CSMD1: variants seen among roughly 807,000 people sequenced by gnomAD.
The protein encoded by CSMD1 is CUB and Sushi multiple domains 1.
In CSMD1, 213 loss-of-function variants were observed where a neutral mutation model predicts 417.5. The ratio of observed to expected loss-of-function variants is 0.51; its 90% CI spans 0.46 to 0.57. CSMD1 has a LOEUF of 0.57. CSMD1 is among the 20% of genes least tolerant of loss of function. The pLI is 0.00. For synonymous variants in CSMD1, 2,862 were observed against 1,736.8 expected, an observed-to-expected ratio of 1.65 and a Z score of -16.11; for missense variants, 6,923 against 4,529.7, an observed-to-expected ratio of 1.53 and a Z score of -15.17.
intron 7 of CSMD1, among the ~76,000 whole-genome samples, chr8:3,707,316 C>G (rs1339307767): frequency 7.1e-6 from 1 of 141,796 alleles, no homozygotes; most frequent in African/African-American, 2.6e-5. Context: ...AGAATTGACC[C>G]GAGAGGGTTC....
Position 3,134,401 on chromosome 8 carries a change from G to A in CSMD1, c.6241+8064C>T, listed in dbSNP as rs2897453. On this transcript the variant is annotated intron_variant, in intron 41 of 69. Transcript: ENST00000635120. The stretch of plus-strand genomic sequence containing the variant: ...CCTGCATCCAACCACGAAGGCATGC[G>A]CTGCAAGTCCTTGTGGAGAACGTTT... Among the ~76,000 whole-genome samples the A allele has an allele frequency of 1.8e-3, 270 of 152,238 alleles. 1 individual carries two copies. Among genetic ancestry groups the A allele is most frequent in the African/African-American group, 6.1e-3 (254 of 41,548 alleles).
At chr8:3,516,772 T>C (rs1225628166) in intron 10 of CSMD1, among the ~76,000 whole-genome samples, 3 of 152,138 alleles carry the variant, frequency 2.0e-5, no homozygotes, top group African/African-American at 7.2e-5. Context: ...TTATCTGTAG[T>C]TACATAACTA....
At chr8:4,446,212 A>G (rs1798779459) in intron 2 of CSMD1, among the ~76,000 whole-genome samples, 1 of 152,160 alleles carries the variant, frequency 6.6e-6, no homozygotes, top group South Asian at 2.1e-4. Flanking sequence ...TTTTTCCACA[A>G]TCATCTATTT....
intron 5 of CSMD1, among the ~76,000 whole-genome samples, chr8:3,924,424 G>A (rs536599444): frequency 1.1e-4 from 17 of 152,148 alleles, no homozygotes; most frequent in African/African-American, 4.1e-4. Context: ...TCCAGATTTG[G>A]AAAGCTTTTG....
At chr8:4,957,493 G>C (rs193234878) in intron 1 of CSMD1, among the ~76,000 whole-genome samples, 20 of 152,250 alleles carry the variant, frequency 1.3e-4, no homozygotes, top group Admixed American at 6.5e-4. Context: ...ACATATCAGA[G>C]TAGAAATAAC....
At chr8:4,637,592 A>T (rs1160363941) in intron 1 of CSMD1, 34 bp from the exon 2 acceptor site, 2 of 1,349,240 alleles carry the variant, frequency 1.5e-6, no homozygotes, top group African/African-American at 1.5e-5. Context: ...AAAGCATATT[A>T]TTCTGGCCAT....
chr8:4,582,118 C>T (rs1423920148), intron 2 of CSMD1, among the ~76,000 whole-genome samples: 1 of 151,614 alleles, frequency 6.6e-6, no homozygotes. Flanking sequence ...AACTGATGAG[C>T]TTTGTGAGTA....
chr8:3,048,831 CAT>C (rs1290963989), intron 50 of CSMD1, among the ~76,000 whole-genome samples: 1 of 148,726 alleles, frequency 6.7e-6, no homozygotes, highest in Non-Finnish European at 1.5e-5. Flanking sequence ...TTGCAAAAGA[CAT>C]ATGGGATAAA....
chr8:4,096,500 G>A (rs549500926), intron 3 of CSMD1, among the ~76,000 whole-genome samples: 1 of 152,238 alleles, frequency 6.6e-6, no homozygotes, highest in Non-Finnish European at 1.5e-5. Flanking sequence ...CAAATTATGA[G>A]ACAGCCAATG....
rs745825421 is a variant in CSMD1, at chr8:3,399,477, T to C, written c.2319A>G (p.Gly773=). 1.2e-6 allele frequency: 2 copies of C among 1,609,230 alleles called. No homozygotes were observed. Among genetic ancestry groups the C allele is most frequent in the East Asian group, 2.2e-5 (1 of 44,804 alleles). The change falls in exon 16 of 70, where the codon GGA becomes GGG. Residue 773 remains glycine, a synonymous_variant. Transcript: ENST00000635120. ...AAGAATCCTTATAATATCCTGGCCA[T>C]CCAGGAGGCAAAATGACTCCGCTGG... The part of the protein sequence containing the change: ...TASSGVILPP[G]WPGYYKDSLH...
Position 2,954,218 on chromosome 8 carries a change from AC to A in CSMD1, c.10039+5del. ...TTGAAATCTAGAACTGTTCTGGTATACAAACCTGGAGTTTTAGTAACTGTTT... is the reference window on the plus strand; with the variant it reads ...TTGAAATCTAGAACTGTTCTGGTATAAAACCTGGAGTTTTAGTAACTGTTT... On this transcript the variant is annotated splice_donor_5th_base_variant and intron_variant, in intron 65 of 69. Coordinates refer to ENST00000635120, the MANE Select transcript of CSMD1 (RefSeq NM_033225.6). 6.7e-7 allele frequency: 1 copy of A among 1,487,820 alleles called. No individual in the cohort carries two copies. The highest frequency in any genetic ancestry group is 1.4e-5 in the African/African-American group (1 of 71,618). 92.2% of individuals were successfully genotyped at this position (1,487,820 alleles called of 1,614,324 possible).
intron 1 of CSMD1, among the ~76,000 whole-genome samples, chr8:4,909,222 A>T (rs1163660462): frequency 6.6e-6 from 1 of 152,142 alleles, no homozygotes; most frequent in African/African-American, 2.4e-5. Context: ...GTAGTGAGGG[A>T]TGGTAGAGTG....
chr8:3,962,933 G>C (rs1812426533), intron 5 of CSMD1, among the ~76,000 whole-genome samples: 1 of 152,082 alleles, frequency 6.6e-6, no homozygotes, highest in Non-Finnish European at 1.5e-5. Context: ...TTTTCACTCA[G>C]TTTTTGTTTC....
chr8:4,241,181 G>A (rs893516410), intron 3 of CSMD1, among the ~76,000 whole-genome samples: 10 of 151,996 alleles, frequency 6.6e-5, no homozygotes, highest in Non-Finnish European at 7.4e-5. Context: ...AATCCTGATC[G>A]TGAACTCTCC....
At chr8:3,413,151 T>A (rs781718531) in intron 12 of CSMD1, among the ~76,000 whole-genome samples, 4 of 152,230 alleles carry the variant, frequency 2.6e-5, no homozygotes, top group Non-Finnish European at 4.4e-5. Flanking sequence ...TATATTGCAC[T>A]GGAAATACAA....
intron 1 of CSMD1, among the ~76,000 whole-genome samples, chr8:4,854,627 T>C (rs576642775): frequency 5.9e-5 from 9 of 152,252 alleles, no homozygotes; most frequent in Non-Finnish European, 1.2e-4. Flanking sequence ...GGGAGTTCCC[T>C]TTCTGAGTCA....
chr8:3,372,306 C>G (rs180882088), intron 18 of CSMD1, among the ~76,000 whole-genome samples: 1 of 152,120 alleles, frequency 6.6e-6, no homozygotes, highest in East Asian at 1.9e-4. Context: ...ACAGAAAGGA[C>G]ACCTCTGTGA....
intron 5 of CSMD1, among the ~76,000 whole-genome samples, chr8:3,996,246 C>G (rs1393341880): frequency 3.3e-5 from 5 of 152,172 alleles, no homozygotes; most frequent in Non-Finnish European, 7.3e-5. Flanking sequence ...CCCAATACCT[C>G]TGGACTGTCC....
chr8:4,118,580 G>C (rs1486686847), intron 3 of CSMD1, among the ~76,000 whole-genome samples: 1 of 152,172 alleles, frequency 6.6e-6, no homozygotes, highest in Admixed American at 6.5e-5. Flanking sequence ...TCATGAAAAA[G>C]TAAGGAAACA....
Sources: allele counts gnomAD v4.1 joint callset (sites outside exome capture counted in the v4.1 genomes callset), GRCh38; gene constraint gnomAD v4.1.1; transcripts MANE v1.5; gene names NCBI Gene and HGNC (gene_info 2026-07-23, HGNC 2026-07-21).